The following GRM5 variants were observed in gnomAD, a reference collection of about 807,000 sequenced individuals.
GRM5 encodes metabotropic glutamate receptor 5.
Under a neutral mutation model 83.1 loss-of-function variants are expected in GRM5, and 19 were observed. That is an observed-to-expected ratio of 0.23 (90% confidence interval 0.16 to 0.34). The LOEUF is 0.34. Ranked by LOEUF, GRM5 falls within the 10% of genes least tolerant of loss-of-function variation. The pLI, the probability that GRM5 is intolerant of heterozygous loss-of-function variation, is 1.00. For synonymous variants in GRM5, 675 were observed against 633.6 expected (o/e 1.07, Z -0.98); for missense variants, 1,160 against 1,588.3 (o/e 0.73, Z 4.58).
chr11:88,750,018 A>T (rs1942232222), intron 3 of GRM5, among the ~76,000 whole-genome samples: 1 of 152,162 alleles, frequency 6.6e-6, no homozygotes, highest in South Asian at 2.1e-4. Context: ...ACTATGAAGG[A>T]ACCACACAAA....
At chr11:88,624,653 G>T (rs1276215087) in intron 4 of GRM5, among the ~76,000 whole-genome samples, 1 of 152,188 alleles carries the variant, frequency 6.6e-6, no homozygotes, top group Non-Finnish European at 1.5e-5. Context: ...CTGCACTCCA[G>T]CCTGGGCGAC....
chr11:88,961,459 A>G (rs992661203), intron 2 of GRM5, among the ~76,000 whole-genome samples: 1 of 152,138 alleles, frequency 6.6e-6, no homozygotes, highest in Non-Finnish European at 1.5e-5. Flanking sequence ...GCCAGGGTCA[A>G]AGTCACTGTC....
chr11:88,944,023 T>C (rs1338984580), intron 2 of GRM5, among the ~76,000 whole-genome samples: 1 of 152,008 alleles, frequency 6.6e-6, no homozygotes, highest in African/African-American at 2.4e-5. Flanking sequence ...TTAATAGTGT[T>C]TGGCAGCAAA....
intron 3 of GRM5, among the ~76,000 whole-genome samples, chr11:88,748,496 G>C (rs529305078): frequency 1.8e-3 from 273 of 152,266 alleles, no homozygotes; most frequent in African/African-American, 6.4e-3. Context: ...TGGTTCAGTT[G>C]AGTCAGCTGC....
intron 2 of GRM5, among the ~76,000 whole-genome samples, chr11:88,948,588 T>C (rs1469434991): frequency 6.6e-6 from 1 of 152,232 alleles, no homozygotes; most frequent in East Asian, 1.9e-4. Flanking sequence ...AGTTTGAGAA[T>C]TCATAAAATT....
At chr11:88,650,729 T>C (rs1939609717) in intron 4 of GRM5, among the ~76,000 whole-genome samples, 1 of 152,042 alleles carries the variant, frequency 6.6e-6, no homozygotes, top group African/African-American at 2.4e-5. Flanking sequence ...GAACTATATA[T>C]TGACTATTAT....
rs202193167 is a variant in GRM5 at position 88,508,601 on chromosome 11, C to G, written c.3630G>C (p.Ser1210=). 4 of 1,607,672 alleles carry G rather than the reference C, an allele frequency of 2.5e-6. No individual in the cohort carries two copies. The highest frequency in any genetic ancestry group is 2.5e-6 in the Non-Finnish European group (3 of 1,176,962). ...TGCTTTCCAGGGACATTCACAACGA[C>G]GAGGAGCTCTGAGTGTAATCTCTTA... ...LIIRDYTQSS[S]SL Residue 1210 remains serine, a synonymous_variant, in exon 10 of 10, where the codon TCG becomes TCC. Transcript: ENST00000305447. The surrounding 1 kb of genome is among the most constrained non-coding windows in gnomAD (Gnocchi z 4.2).
At chr11:89,009,137 A>G in intron 2 of GRM5, 1 of 704,482 alleles carries the variant, frequency 1.4e-6, no homozygotes. Flanking sequence ...TGTATAAGAT[A>G]AGCAAAGGTT....
At chr11:88,558,234 C>G (rs1031600664) in intron 8 of GRM5, among the ~76,000 whole-genome samples, 4 of 152,052 alleles carry the variant, frequency 2.6e-5, no homozygotes, top group African/African-American at 9.7e-5. Flanking sequence ...GGCACTCTCT[C>G]CAAAGAAAAG....
chr11:88,785,877 T>A (rs1387940793), intron 3 of GRM5, among the ~76,000 whole-genome samples: 2 of 152,118 alleles, frequency 1.3e-5, no homozygotes, highest in African/African-American at 4.8e-5. Flanking sequence ...GAAAACAAGC[T>A]GATACTTGAT....
At chr11:88,694,886 CAG>C (rs1234138084) in intron 3 of GRM5, among the ~76,000 whole-genome samples, 1 of 152,138 alleles carries the variant, frequency 6.6e-6, no homozygotes, top group Non-Finnish European at 1.5e-5. Flanking sequence ...ATCTACCACA[CAG>C]ATAATTTTTG....
At chr11:88,720,531 G>T (rs1278601133) in intron 3 of GRM5, among the ~76,000 whole-genome samples, 2 of 146,778 alleles carry the variant, frequency 1.4e-5, no homozygotes, top group East Asian at 3.9e-4. Context: ...GGTGAATAAG[G>T]CTATGAAGTT....
chr11:88,743,774 C>T (rs1942077160), intron 3 of GRM5, among the ~76,000 whole-genome samples: 1 of 152,066 alleles, frequency 6.6e-6, no homozygotes, highest in Admixed American at 6.6e-5. Context: ...AACAATTTTC[C>T]ACAAGTAGTC....
chr11:88,689,923 T>A (rs1401545619), intron 3 of GRM5, among the ~76,000 whole-genome samples: 1 of 152,298 alleles, frequency 6.6e-6, no homozygotes, highest in South Asian at 2.1e-4. Context: ...TTTTGTTTTG[T>A]CCTTTATTGA....
chr11:88,781,097 A>G (rs1291646578), intron 3 of GRM5, among the ~76,000 whole-genome samples: 1 of 140,810 alleles, frequency 7.1e-6, no homozygotes, highest in Non-Finnish European at 1.5e-5. Flanking sequence ...AGAAGCAACC[A>G]AGCTGTGTTT....
chr11:88,573,388 A>G (rs1943045668), intron 7 of GRM5, among the ~76,000 whole-genome samples: 1 of 152,150 alleles, frequency 6.6e-6, no homozygotes, highest in Non-Finnish European at 1.5e-5. Flanking sequence ...ATATTCCTGT[A>G]GTTACTAGTT....
At chr11:88,574,660 A>G (rs12282237) in intron 7 of GRM5, among the ~76,000 whole-genome samples, 7,916 of 152,062 alleles carry the variant, frequency 0.052, 668 homozygotes, top group African/African-American at 0.18. Flanking sequence ...CCAGCTACTC[A>G]GGAGGCTGAG....
intron 5 of GRM5, among the ~76,000 whole-genome samples, chr11:88,599,057 G>C (rs1440867802): frequency 6.6e-6 from 1 of 151,952 alleles, no homozygotes; most frequent in Non-Finnish European, 1.5e-5. Context: ...CCAAATCCTG[G>C]GTACTGCTCC....
At chr11:88,716,452 A>G (rs1040484407) in intron 3 of GRM5, among the ~76,000 whole-genome samples, 13 of 152,022 alleles carry the variant, frequency 8.6e-5, no homozygotes, top group East Asian at 3.9e-4. Context: ...ATTGGCCCCA[A>G]TGAGGAATAC....
Sources: gnomAD v4.1 joint callset for allele counts (sites outside exome capture counted in the v4.1 genomes callset) on GRCh38, gnomAD v4.1.1 for gene constraint, Gnocchi (gnomAD v3.1) non-coding constraint, MANE v1.5 for transcripts, NCBI Gene and HGNC (gene_info 2026-07-23, HGNC 2026-07-21) for gene names.